The following MYOF variants were observed in gnomAD, a reference collection of about 807,000 sequenced individuals.
MYOF encodes myoferlin.
MYOF carries 244 observed loss-of-function variants against 284.2 expected under a neutral mutation model. The ratio of observed to expected loss-of-function variants is 0.86; its 90% CI spans 0.77 to 0.95. The LOEUF (loss-of-function observed/expected upper bound fraction) is 0.95. MYOF is among the 40% of genes least tolerant of loss of function. The probability of loss-of-function intolerance (pLI) is 0.00; values close to 1 mark genes in which losing one functional copy is unlikely to be tolerated. For missense variants in MYOF, 2,496 were observed against 2,560.6 expected (o/e 0.97, Z 0.54); for synonymous variants, 904 against 919.7 (o/e 0.98, Z 0.31).
chr10:93,386,240 G>A (rs1846358936), intron 19 of MYOF, among the ~76,000 whole-genome samples: 1 of 152,108 alleles, frequency 6.6e-6, no homozygotes. Context: ...GCATGATCCT[G>A]GCTGTAACTA....
At chr10:93,480,387 CA>C (rs987578665) in intron 1 of MYOF, among the ~76,000 whole-genome samples, 1 of 145,890 alleles carries the variant, frequency 6.9e-6, no homozygotes, top group African/African-American at 2.5e-5. Flanking sequence ...CAGTCTTATT[CA>C]AAAAAATTTT....
chr10:93,467,084 C>T lies in MYOF; in HGVS notation c.89-10147G>A, dbSNP rs186631576. On this transcript the variant is annotated intron_variant, in intron 1 of 53. Transcript: ENST00000359263. The stretch of plus-strand genomic sequence containing the variant: ...GATCAGGGTTGTTAACTGACTTGCC[C>T]GAGATCATAGAGCCAGTAAGTGGCA... Among the ~76,000 whole-genome samples, 761 of 152,112 alleles carry T rather than the reference C, an allele frequency of 5.0e-3. 2 individuals carry two copies. Among genetic ancestry groups the T allele is most frequent in the Non-Finnish European group, 7.1e-3 (486 of 68,018 alleles).
Position 93,467,687 on chromosome 10 carries a change from C to T in MYOF, c.89-10750G>A, listed in dbSNP as rs569729233. Among the ~76,000 whole-genome samples the T allele has an allele frequency of 2.1e-4, 32 of 152,168 alleles. No homozygotes were observed. The South Asian group carries it at 3.1e-3, about 15-fold the overall frequency. On this transcript the variant is annotated intron_variant, in intron 1 of 53. Transcript: ENST00000359263. ...GACACATGCACACGTATGTTTATTG[C>T]GGCACTATTCACAATGGCAAAGACT...
At chr10:93,314,166 G>T in intron 50 of MYOF, among the ~76,000 whole-genome samples, 1 of 151,670 alleles carries the variant, frequency 6.6e-6, no homozygotes, top group Non-Finnish European at 1.5e-5. Flanking sequence ...TCAGCTCACT[G>T]CAACCTCCGC....
At chr10:93,361,264 G>A (rs1242869952) in intron 28 of MYOF, among the ~76,000 whole-genome samples, 188 bp downstream of exon 28, 2 of 152,132 alleles carry the variant, frequency 1.3e-5, no homozygotes, top group African/African-American at 2.4e-5. Flanking sequence ...TCACTTGCCC[G>A]CCGCTCACCT....
intron 1 of MYOF, among the ~76,000 whole-genome samples, chr10:93,459,231 T>C (rs1350256263): frequency 1.3e-5 from 2 of 151,888 alleles, no homozygotes; most frequent in African/African-American, 4.8e-5. Flanking sequence ...TTCCCTCTCC[T>C]CATCTAACAG....
intron 40 of MYOF, among the ~76,000 whole-genome samples, chr10:93,336,663 T>C (rs1227579069): frequency 6.6e-6 from 1 of 152,080 alleles, no homozygotes; most frequent in African/African-American, 2.4e-5. Context: ...GTGGTTCACA[T>C]AGGGTATATA....
intron 3 of MYOF, among the ~76,000 whole-genome samples, chr10:93,434,786 G>GTTTTTTAGGCTTTTTTACAGGAGTATT (rs1849040922): frequency 6.6e-6 from 1 of 152,074 alleles, no homozygotes; most frequent in Non-Finnish European, 1.5e-5. Context: ...AGATCAGTAT[G>GTTTTTTAGGCTTTTTTACAGGAGTATT]TTTTTTAGGC....
chr10:93,431,720 T>C (rs997976432), intron 3 of MYOF, among the ~76,000 whole-genome samples: 7 of 151,674 alleles, frequency 4.6e-5, no homozygotes, highest in Non-Finnish European at 1.0e-4. Flanking sequence ...AGTCAAACTC[T>C]GGTGCCTATG....
Position 93,452,035 on chromosome 10 carries a change from G to C in MYOF, c.236+15C>G, listed in dbSNP as rs7088873. On this transcript the variant is annotated intron_variant, in intron 3 of 53. Coordinates refer to ENST00000359263, the MANE Select transcript of MYOF (RefSeq NM_013451.4). Reference sequence around the variant, plus strand: ...GTAATACCTAAAATGAGAAAAACAGGTGAAAACAACTTACTTATTTTGTCC... The same window carrying C: ...GTAATACCTAAAATGAGAAAAACAGCTGAAAACAACTTACTTATTTTGTCC... The C allele has an allele frequency of 2.9e-4, 447 of 1,563,592 alleles. 3 individuals are homozygous for C. The highest frequency in any genetic ancestry group is 2.2e-3 in the Middle Eastern group (13 of 5,904).
At chr10:93,346,784 T>A (rs1844202150) in intron 37 of MYOF, among the ~76,000 whole-genome samples, 2 of 152,152 alleles carry the variant, frequency 1.3e-5, no homozygotes, top group Admixed American at 6.5e-5. Flanking sequence ...CTCGTTTGCC[T>A]TCCCTGCTGG....
At chr10:93,411,432 A>T (rs1589527285) in intron 5 of MYOF, among the ~76,000 whole-genome samples, 1 of 152,206 alleles carries the variant, frequency 6.6e-6, no homozygotes, top group East Asian at 1.9e-4. Context: ...CCGTGACCTA[A>T]TCACCTCCCT....
chr10:93,406,560 T>G (rs960035366), intron 7 of MYOF, among the ~76,000 whole-genome samples: 6 of 20,582 alleles, frequency 2.9e-4, no homozygotes, highest in African/African-American at 3.9e-4. Context: ...GCATCTTGCC[T>G]CCTCCCCACC....
In MYOF at chr10:93,482,128, T is replaced by C; in HGVS notation, c.67A>G (p.Ile23Val). ...TTACCCTTAAAAATGACAGAAACAATAGGATCCGGCTTGCCAAATTTCGTT... is the reference window on the plus strand; with the variant it reads ...TTACCCTTAAAAATGACAGAAACAACAGGATCCGGCTTGCCAAATTTCGTT... ...PKTKFGKPDPIVSVIFKDEKK... is the reference protein window; with the variant it reads ...PKTKFGKPDPVVSVIFKDEKK... Residue 23 changes from isoleucine (I) to valine (V), a missense_variant, in exon 1 of 54, where the codon ATT (isoleucine) becomes GTT (valine). Ile to Val is a conservative substitution (Grantham distance 29). This residue lies in a region of MYOF where 57 missense variants were observed against 62.4 expected (regional missense o/e 0.91). Coordinates refer to ENST00000359263, the MANE Select transcript of MYOF (RefSeq NM_013451.4). The C allele has an allele frequency of 6.2e-7, 1 of 1,613,958 alleles. No homozygotes were observed. Among genetic ancestry groups the C allele is most frequent in the Non-Finnish European group, 8.5e-7 (1 of 1,179,902 alleles).
At chr10:93,331,332 G>C (rs1040276918) in intron 43 of MYOF, among the ~76,000 whole-genome samples, 2 of 152,142 alleles carry the variant, frequency 1.3e-5, no homozygotes, top group African/African-American at 4.8e-5. Flanking sequence ...GCATCTCCTT[G>C]GCTCCACCCT....
At chr10:93,461,052 G>A (rs147001262) in intron 1 of MYOF, among the ~76,000 whole-genome samples, 2,215 of 151,988 alleles carry the variant, frequency 0.015, 51 homozygotes, top group African/African-American at 0.051. Context: ...CCTAGATCGC[G>A]CCATTGCACT....
intron 5 of MYOF, chr10:93,425,830 G>A (rs888260135): frequency 2.9e-5 from 16 of 544,590 alleles, no homozygotes; most frequent in Non-Finnish European, 4.9e-5. Context: ...TGCTTTTTGT[G>A]CTCACCGTGA....
chr10:93,472,405 G>A (rs557369324), intron 1 of MYOF, among the ~76,000 whole-genome samples: 144 of 152,254 alleles, frequency 9.5e-4, no homozygotes, highest in African/African-American at 3.4e-3. Context: ...TTGGGAGGCC[G>A]AGGTGGGCAG....
At chr10:93,310,419 T>C in intron 52 of MYOF, 115 bp downstream of exon 52, 1 of 1,113,930 alleles carries the variant, frequency 9.0e-7, no homozygotes, top group Non-Finnish European at 1.3e-6. Context: ...CCCACCACTA[T>C]TAAATACCAG....
Sources: gnomAD v4.1 joint callset for allele counts (sites outside exome capture counted in the v4.1 genomes callset) on GRCh38, gnomAD v4.1.1 for gene constraint, gnomAD v4.1.1 regional missense constraint, MANE v1.5 for transcripts, NCBI Gene and HGNC (gene_info 2026-07-23, HGNC 2026-07-21) for gene names.